The following RAD51B variants were observed in gnomAD, a reference collection of about 807,000 sequenced individuals.
RAD51B encodes the protein RAD51 paralog B.
In RAD51B, 38 loss-of-function variants were observed where a neutral mutation model predicts 42.2. The ratio of observed to expected loss-of-function variants is 0.90; its 90% CI spans 0.70 to 1.18. The LOEUF is 1.18. Among genes scored for constraint, RAD51B ranks in the 50% most tolerant of loss-of-function variants. The pLI, the probability that RAD51B is intolerant of heterozygous loss-of-function variation, is 0.00. For missense variants in RAD51B, 373 were observed against 400.7 expected (o/e 0.93, Z 0.59); for synonymous variants, 154 against 145.2 (o/e 1.06, Z -0.43).
rs116194945 is a variant in RAD51B, at chr14:67,857,687, T to C, written c.316-7316T>C. 7.7e-4 allele frequency among the ~76,000 whole-genome samples: 117 copies of C among 152,330 alleles called. 1 individual carries two copies. The highest frequency in any genetic ancestry group is 2.6e-3 in the African/African-American group (107 of 41,576). ...TAGTATGTATAGAAAGGCTAGTCCT[T>C]TTTCCTCTGCTAGTTAGCACTCTAA... is the stretch of plus-strand genomic sequence containing the variant. On this transcript the variant is annotated intron_variant, in intron 4 of 10. Transcript: ENST00000471583.
chr14:68,290,257 A>G (rs1391472782), intron 7 of RAD51B, among the ~76,000 whole-genome samples: 1 of 152,222 alleles, frequency 6.6e-6, no homozygotes, highest in South Asian at 2.1e-4. Flanking sequence ...ATTGTGCACT[A>G]AATGCCTAGT....
rs577996568 is a variant in RAD51B at position 68,014,728 on chromosome 14, G to A, written c.756+127524G>A. On this transcript the variant is annotated intron_variant, in intron 7 of 10. Transcript: ENST00000471583. Reference sequence around the variant, plus strand: ...TAAATAAATAAATAAATAAATGTAGGAATCTAAGATAGAGACCTGTACTAT... The same window carrying A: ...TAAATAAATAAATAAATAAATGTAGAAATCTAAGATAGAGACCTGTACTAT... Among the ~76,000 whole-genome samples the A allele has an allele frequency of 1.0e-4, 15 of 145,096 alleles. No homozygotes were observed. In the South Asian group the frequency reaches 2.9e-3, roughly 28 times the overall value.
At chr14:68,344,519 C>T (rs2082633873) in intron 8 of RAD51B, among the ~76,000 whole-genome samples, 5 of 151,886 alleles carry the variant, frequency 3.3e-5, no homozygotes, top group Admixed American at 2.6e-4. Flanking sequence ...TGGTGGTGGG[C>T]GCCTGTAGTC....
chr14:67,837,145 A>G (rs1431387621), intron 4 of RAD51B, among the ~76,000 whole-genome samples: 1 of 151,882 alleles, frequency 6.6e-6, no homozygotes. Flanking sequence ...ATAAAAATGC[A>G]CACACACACA....
At chr14:68,275,829 CA>C (rs2081212069) in intron 7 of RAD51B, among the ~76,000 whole-genome samples, 1 of 151,428 alleles carries the variant, frequency 6.6e-6, no homozygotes, top group African/African-American at 2.4e-5. Flanking sequence ...CACACACACA[CA>C]CACACACACA....
intron 7 of RAD51B, among the ~76,000 whole-genome samples, chr14:68,010,931 T>C (rs554187382): frequency 1.3e-5 from 2 of 152,102 alleles, no homozygotes; most frequent in African/African-American, 4.8e-5. Context: ...TCTGTACTTA[T>C]ATTTGTATTT....
At chr14:68,362,108 A>G (rs549011239) in intron 8 of RAD51B, among the ~76,000 whole-genome samples, 37 of 152,362 alleles carry the variant, frequency 2.4e-4, no homozygotes, top group African/African-American at 8.9e-4. Flanking sequence ...ATTAAAGGTT[A>G]TAAGAAGATA....
intron 7 of RAD51B, among the ~76,000 whole-genome samples, chr14:67,899,308 C>A (rs1297977607): frequency 2.0e-5 from 3 of 152,074 alleles, no homozygotes; most frequent in Non-Finnish European, 4.4e-5. Context: ...CTTGGCCTCC[C>A]AAAGTGCTGG....
chr14:67,892,239 AC>A (rs1226568206), intron 7 of RAD51B, among the ~76,000 whole-genome samples: 8 of 152,178 alleles, frequency 5.3e-5, no homozygotes, highest in Non-Finnish European at 1.2e-4. Flanking sequence ...CCTGAAACTC[AC>A]AGTCTAGACT....
At chr14:68,564,239 G>A (rs12590644) in intron 10 of RAD51B, among the ~76,000 whole-genome samples, 2 of 152,090 alleles carry the variant, frequency 1.3e-5, no homozygotes, top group Non-Finnish European at 2.9e-5. Context: ...GGCTCTCTGC[G>A]GCCAATATCC....
intron 7 of RAD51B, among the ~76,000 whole-genome samples, chr14:68,028,308 C>T (rs1254282711): frequency 6.6e-6 from 1 of 152,340 alleles, no homozygotes; most frequent in East Asian, 1.9e-4. Flanking sequence ...TCACTGTTAC[C>T]ATGCCTGCCT....
intron 7 of RAD51B, among the ~76,000 whole-genome samples, chr14:68,018,887 C>CTGTGAAATTA: frequency 6.6e-6 from 1 of 152,194 alleles, no homozygotes; most frequent in Admixed American, 6.5e-5. Context: ...CTTCCATTTA[C>CTGTGAAATTA]CAGCTGTGAA....
intron 10 of RAD51B, among the ~76,000 whole-genome samples, chr14:68,646,023 A>T (rs944292045): frequency 1.3e-5 from 2 of 152,130 alleles, no homozygotes; most frequent in African/African-American, 4.8e-5. Context: ...ATTCTAAAAC[A>T]GTATTCATCA....
intron 8 of RAD51B, among the ~76,000 whole-genome samples, chr14:68,392,325 G>C (rs182565219): frequency 6.6e-6 from 1 of 152,360 alleles, no homozygotes; most frequent in East Asian, 1.9e-4. Flanking sequence ...CGGAAGGCTT[G>C]TCATAGGTTC....
intron 10 of RAD51B, among the ~76,000 whole-genome samples, chr14:68,487,467 G>A (rs1437315110): frequency 6.6e-6 from 1 of 150,642 alleles, no homozygotes; most frequent in Non-Finnish European, 1.5e-5. Context: ...ACATCCTTTT[G>A]TTTTATTTTT....
chr14:68,659,909 C>T (rs563694941), intron 11 of RAD51B, among the ~76,000 whole-genome samples: 10 of 152,310 alleles, frequency 6.6e-5, no homozygotes, highest in Non-Finnish European at 1.2e-4. Context: ...AGGGTGCATG[C>T]GGGGGAAAGA....
At chr14:68,193,797 AT>A (rs1376849309) in intron 7 of RAD51B, among the ~76,000 whole-genome samples, 1 of 152,208 alleles carries the variant, frequency 6.6e-6, no homozygotes, top group Non-Finnish European at 1.5e-5. Context: ...GAATGTGTTA[AT>A]TTAGCCCGCC....
At chr14:68,181,978 A>G (rs183744942) in intron 7 of RAD51B, among the ~76,000 whole-genome samples, 21 of 152,350 alleles carry the variant, frequency 1.4e-4, no homozygotes, top group Admixed American at 3.3e-4. Context: ...TGCCACCTAA[A>G]GAATATAATG....
chr14:68,435,419 C>A, intron 9 of RAD51B, among the ~76,000 whole-genome samples: 1 of 151,494 alleles, frequency 6.6e-6, no homozygotes, highest in East Asian at 1.9e-4. Flanking sequence ...CATTGATGGG[C>A]ACCTAGGTTG....
Sources: gnomAD v4.1 joint callset for allele counts (sites outside exome capture counted in the v4.1 genomes callset) on GRCh38, gnomAD v4.1.1 for gene constraint, MANE v1.5 for transcripts, NCBI Gene and HGNC (gene_info 2026-07-23, HGNC 2026-07-21) for gene names.